KCNMA1: variants seen among roughly 807,000 people sequenced by gnomAD.
The protein encoded by KCNMA1 is potassium calcium-activated channel subfamily M alpha 1, also known as Calcium-activated potassium channel subunit alpha-1.
KCNMA1 carries 29 observed loss-of-function variants against 140.0 expected under a neutral mutation model. The observed-to-expected ratio is 0.21, with a 90% CI of 0.15 to 0.28. KCNMA1 has a LOEUF of 0.28. Ranked by LOEUF, KCNMA1 falls within the 10% of genes least tolerant of loss-of-function variation. The pLI is 1.00. For synonymous variants in KCNMA1, 612 were observed against 611.9 expected, an observed-to-expected ratio of 1.00 and a Z score of 0.00; for missense variants, 880 against 1,602.2, an observed-to-expected ratio of 0.55 and a Z score of 7.70.
intron 14 of KCNMA1, among the ~76,000 whole-genome samples, chr10:77,055,261 A>G (rs931494571): frequency 1.3e-5 from 2 of 152,290 alleles, no homozygotes; most frequent in East Asian, 1.9e-4. Context: ...GACCCGAATT[A>G]GAAATACCAC....
At chr10:77,424,535 A>T (rs142784560) in intron 1 of KCNMA1, among the ~76,000 whole-genome samples, 3 of 130,502 alleles carry the variant, frequency 2.3e-5, no homozygotes, top group Non-Finnish European at 3.3e-5. Flanking sequence ...CATTCATTCA[A>T]CAATTCACCT....
At chr10:77,434,921 T>G (rs2097226290) in intron 1 of KCNMA1, among the ~76,000 whole-genome samples, 1 of 152,198 alleles carries the variant, frequency 6.6e-6, no homozygotes, top group African/African-American at 2.4e-5. Flanking sequence ...CACTAAACAT[T>G]TTTCTTTCAA....
chr10:77,436,715 G>T (rs1433938447), intron 1 of KCNMA1, among the ~76,000 whole-genome samples: 1 of 152,186 alleles, frequency 6.6e-6, no homozygotes, highest in African/African-American at 2.4e-5. Flanking sequence ...CTAAGGAAGT[G>T]CCATTTGCAT....
chr10:77,597,432 C>G (rs1251933508), intron 1 of KCNMA1, among the ~76,000 whole-genome samples: 2 of 152,162 alleles, frequency 1.3e-5, no homozygotes, highest in African/African-American at 4.8e-5. Flanking sequence ...AATTCCCTGA[C>G]TTGATCATTA....
At chr10:77,169,747 G>A (rs2154097198) in intron 5 of KCNMA1, among the ~76,000 whole-genome samples, 1 of 152,230 alleles carries the variant, frequency 6.6e-6, no homozygotes, top group East Asian at 1.9e-4. Context: ...AATCCACTCA[G>A]GAAATAATAA....
chr10:77,068,749 A>C (rs1315840838), intron 14 of KCNMA1, among the ~76,000 whole-genome samples: 2 of 121,590 alleles, frequency 1.6e-5, no homozygotes, highest in Non-Finnish European at 3.3e-5. Context: ...ATGATAGATT[A>C]ACAGACTTCA....
At chr10:76,904,053 A>G (rs966074030) in intron 25 of KCNMA1, 2 of 152,210 alleles carry the variant, frequency 1.3e-5, no homozygotes, top group Non-Finnish European at 2.9e-5. Context: ...TACCAAAAAA[A>G]TCTGCTTCTT....
At chr10:77,484,246 T>A (rs1297716127) in intron 1 of KCNMA1, among the ~76,000 whole-genome samples, 2 of 152,224 alleles carry the variant, frequency 1.3e-5, no homozygotes, top group East Asian at 3.9e-4. Context: ...TGCAGGCACC[T>A]CCATTCACTT....
At chr10:77,602,080 T>G (rs2082835037) in intron 1 of KCNMA1, among the ~76,000 whole-genome samples, 1 of 152,200 alleles carries the variant, frequency 6.6e-6, no homozygotes, top group Admixed American at 6.5e-5. Context: ...GAGGGGTCTT[T>G]TGAATGTATT....
At chr10:77,056,175 T>C (rs1218471234) in intron 14 of KCNMA1, among the ~76,000 whole-genome samples, 1 of 151,434 alleles carries the variant, frequency 6.6e-6, no homozygotes, top group Non-Finnish European at 1.5e-5. Context: ...AAGCCAAGAG[T>C]TCAAGACCAG....
At chr10:77,187,146 A>G (rs1453442194) in intron 3 of KCNMA1, among the ~76,000 whole-genome samples, 1 of 152,146 alleles carries the variant, frequency 6.6e-6, no homozygotes, top group East Asian at 1.9e-4. Flanking sequence ...GGTAACCTAG[A>G]AATACAGCTA....
intron 3 of KCNMA1, among the ~76,000 whole-genome samples, chr10:77,217,760 G>C (rs187846147): frequency 6.6e-6 from 1 of 152,206 alleles, no homozygotes; most frequent in East Asian, 1.9e-4. Flanking sequence ...CATTGTGATG[G>C]AAACTTTTGT....
At chr10:77,334,183 G>A (rs1045423835) in intron 2 of KCNMA1, among the ~76,000 whole-genome samples, 15 of 152,066 alleles carry the variant, frequency 9.9e-5, no homozygotes, top group African/African-American at 3.6e-4. Context: ...AGTCCAAAGG[G>A]CATGGATTTT....
intron 23 of KCNMA1, among the ~76,000 whole-genome samples, chr10:76,926,658 A>C (rs2057779004): frequency 6.6e-6 from 1 of 152,154 alleles, no homozygotes; most frequent in South Asian, 2.1e-4. Flanking sequence ...ACCGTGCATC[A>C]TACATAATAT....
At chr10:77,396,578 G>C (rs943211180) in intron 2 of KCNMA1, among the ~76,000 whole-genome samples, 1 of 152,126 alleles carries the variant, frequency 6.6e-6, no homozygotes, top group African/African-American at 2.4e-5. Flanking sequence ...AAACCAATAG[G>C]ATTATTCCTA....
At chr10:76,944,677 A>C in intron 23 of KCNMA1, 96 bp downstream of exon 23, 1 of 1,166,750 alleles carries the variant, frequency 8.6e-7, no homozygotes, top group Non-Finnish European at 1.3e-6. Flanking sequence ...AGGCAGGCTG[A>C]TGTGAGCCTC....
At chr10:77,186,100 G>A (rs16934349) in intron 3 of KCNMA1, among the ~76,000 whole-genome samples, 3,064 of 152,202 alleles carry the variant, frequency 0.02, 109 homozygotes, top group African/African-American at 0.071. Flanking sequence ...TAAGGACAAC[G>A]CTTGGCTGTT....
At chr10:77,367,092 C>A (rs2094412525) in intron 2 of KCNMA1, among the ~76,000 whole-genome samples, 1 of 152,116 alleles carries the variant, frequency 6.6e-6, no homozygotes, top group African/African-American at 2.4e-5. Flanking sequence ...GAAGGTGCAC[C>A]CTCATTCCGC....
At chr10:77,379,132 A>G (rs1412402300) in intron 2 of KCNMA1, among the ~76,000 whole-genome samples, 2 of 152,228 alleles carry the variant, frequency 1.3e-5, no homozygotes, top group African/African-American at 4.8e-5. Flanking sequence ...GTTAAACTGA[A>G]TAATGAATAA....
Sources: gnomAD v4.1 joint callset for allele counts (sites outside exome capture counted in the v4.1 genomes callset) on GRCh38, gnomAD v4.1.1 for gene constraint, MANE v1.5 for transcripts, NCBI Gene and HGNC (gene_info 2026-07-23, HGNC 2026-07-21) for gene names.